Variants in RSPO2 observed in about 807,000 individuals in gnomAD.
RSPO2 encodes R-spondin 2.
In RSPO2, 14 loss-of-function variants were observed where a neutral mutation model predicts 30.9. The ratio of observed to expected loss-of-function variants is 0.45; its 90% CI spans 0.30 to 0.71. The LOEUF (loss-of-function observed/expected upper bound fraction) is 0.71. Among genes scored for constraint, RSPO2 ranks in the 30% least tolerant of loss-of-function variants. The pLI is 0.08. For missense variants in RSPO2, 264 were observed against 301.9 expected, an observed-to-expected ratio of 0.87 and a Z score of 0.93; for synonymous variants, 107 against 96.4, an observed-to-expected ratio of 1.11 and a Z score of -0.64.
At chr8:108,080,089 G>A (rs1043097366) in intron 2 of RSPO2, among the ~76,000 whole-genome samples, 1 of 152,164 alleles carries the variant, frequency 6.6e-6, no homozygotes, top group African/African-American at 2.4e-5. Flanking sequence ...TTTGTGAAGA[G>A]GGACAATTCA....
intron 3 of RSPO2, among the ~76,000 whole-genome samples, chr8:107,967,643 G>T (rs768760543): frequency 1.3e-5 from 2 of 151,994 alleles, no homozygotes; most frequent in Non-Finnish European, 2.9e-5. Context: ...GAAGATACAG[G>T]GTTAAAGTCT....
chr8:108,035,963 T>C (rs988050085), intron 2 of RSPO2, among the ~76,000 whole-genome samples: 18 of 152,172 alleles, frequency 1.2e-4, no homozygotes, highest in Admixed American at 1.2e-3. Flanking sequence ...GTAAATATAT[T>C]ACAAAGATAG....
At chr8:108,043,226 G>T (rs1811808815) in intron 2 of RSPO2, among the ~76,000 whole-genome samples, 1 of 152,084 alleles carries the variant, frequency 6.6e-6, no homozygotes. Flanking sequence ...TCAATTTGTA[G>T]CGGGAAGTTT....
At chr8:108,003,247 ATGTATGTGTGTGTGTG>A (rs1351683484) in intron 2 of RSPO2, among the ~76,000 whole-genome samples, 2 of 61,232 alleles carry the variant, frequency 3.3e-5, no homozygotes, top group African/African-American at 9.2e-5. Context: ...ATATGTATGT[ATGTATGTGTGTGTGTG>A]TGTGTGTGTG....
intron 2 of RSPO2, among the ~76,000 whole-genome samples, chr8:108,052,079 T>G (rs1812095888): frequency 6.6e-6 from 1 of 152,108 alleles, no homozygotes; most frequent in South Asian, 2.1e-4. Context: ...AATGACTCAT[T>G]CTCCCAGTGA....
intron 2 of RSPO2, among the ~76,000 whole-genome samples, chr8:108,014,682 T>C (rs57928815): frequency 0.014 from 2,073 of 147,914 alleles, 45 homozygotes; most frequent in African/African-American, 0.048. Context: ...CATCACACAC[T>C]GGGGCCTGTC....
chr8:108,063,209 G>A (rs928998348), intron 2 of RSPO2, among the ~76,000 whole-genome samples: 1 of 151,710 alleles, frequency 6.6e-6, no homozygotes, highest in East Asian at 1.9e-4. Context: ...AGGAAATAAA[G>A]GGCATTCAAC....
At chr8:107,968,534 G>GA (rs1426259452) in intron 3 of RSPO2, among the ~76,000 whole-genome samples, 2 of 151,836 alleles carry the variant, frequency 1.3e-5, no homozygotes, top group African/African-American at 4.8e-5. Flanking sequence ...AGTACAGTAG[G>GA]AAAAACTATA....
intron 2 of RSPO2, among the ~76,000 whole-genome samples, chr8:108,004,872 T>C (rs550002486): frequency 1.1e-4 from 16 of 152,298 alleles, no homozygotes; most frequent in African/African-American, 3.6e-4. Context: ...TCAACCATAT[T>C]TGATATATTA....
At chr8:107,990,219 CA>C (rs1814801700) in intron 2 of RSPO2, among the ~76,000 whole-genome samples, 1 of 151,650 alleles carries the variant, frequency 6.6e-6, no homozygotes, top group Non-Finnish European at 1.5e-5. Context: ...AACTGTAGCA[CA>C]AAACAAGATA....
chr8:107,922,725 C>T (rs558719735), intron 5 of RSPO2, among the ~76,000 whole-genome samples: 1 of 152,222 alleles, frequency 6.6e-6, no homozygotes, highest in South Asian at 2.1e-4. Flanking sequence ...CTGCAAACAA[C>T]ATGGTACTGG....
intron 2 of RSPO2, among the ~76,000 whole-genome samples, chr8:108,033,837 C>T (rs1257595273): frequency 6.6e-6 from 1 of 152,208 alleles, no homozygotes; most frequent in Non-Finnish European, 1.5e-5. Flanking sequence ...AAAAATGCAA[C>T]ACCAAGTTGT....
intron 2 of RSPO2, among the ~76,000 whole-genome samples, chr8:108,019,836 G>A (rs1252842694): frequency 6.6e-6 from 1 of 152,134 alleles, no homozygotes; most frequent in African/African-American, 2.4e-5. Context: ...TTCTTTAAAA[G>A]GGTAGACTTT....
chr8:107,997,587 C>A (rs1815075664), intron 2 of RSPO2, among the ~76,000 whole-genome samples: 2 of 152,146 alleles, frequency 1.3e-5, no homozygotes, highest in Non-Finnish European at 2.9e-5. Flanking sequence ...CACATATCCC[C>A]TTGATGGGAA....
intron 5 of RSPO2, among the ~76,000 whole-genome samples, chr8:107,951,585 T>C (rs1483194280): frequency 6.6e-6 from 1 of 152,094 alleles, no homozygotes; most frequent in Non-Finnish European, 1.5e-5. Context: ...GTGGCATATG[T>C]AGTTGAGAAA....
At position 107,900,884 on chromosome 8, in the gene RSPO2, A is replaced by AGTCT. The variant is rs778730728; in HGVS notation, c.*187_*190dup. 126 of 559,512 alleles carry AGTCT rather than the reference A, an allele frequency of 2.3e-4. 1 individual carries two copies. The highest frequency in any genetic ancestry group is 2.6e-4 in the Non-Finnish European group (86 of 326,430). The allele number at this position is 559,512 out of a possible 1,614,324, so 34.7% of individuals were successfully genotyped here. A position where few individuals can be genotyped will look rare whatever the true frequency, so the allele number is the denominator to read the frequency against. Reference sequence around the variant, plus strand: ...GCTGTGCACTTACTCCTGCCTTCACAGTCTCCAGATTCAAATCAAAGCATA... The same window carrying AGTCT: ...GCTGTGCACTTACTCCTGCCTTCACAGTCTGTCTCCAGATTCAAATCAAAGCATA... On this transcript the variant is annotated 3_prime_UTR_variant, in exon 6 of 6. Coordinates refer to ENST00000276659, the MANE Select transcript of RSPO2 (RefSeq NM_178565.5).
chr8:108,066,323 C>G (rs1812666388), intron 2 of RSPO2, among the ~76,000 whole-genome samples: 1 of 152,154 alleles, frequency 6.6e-6, no homozygotes, highest in Admixed American at 6.5e-5. Context: ...CATACTGAAG[C>G]TACTGTATGT....
At position 107,960,772 on chromosome 8, in the gene RSPO2, CA is replaced by C. The variant is rs1813601709; in HGVS notation, c.328del (p.Cys110ValfsTer6). 6.2e-7 allele frequency: 1 copy of C among 1,611,218 alleles called. No homozygotes were observed. The highest frequency in any genetic ancestry group is 1.1e-5 in the South Asian group (1 of 90,084). On this transcript the variant is annotated frameshift_variant, in exon 4 of 6. Coordinates refer to ENST00000276659, the MANE Select transcript of RSPO2 (RefSeq NM_178565.5). LOFTEE classifies it high-confidence loss of function. ...NCDSCFSKDF[C>X]TKCKVGFYLH... ...ATAAAAGCCTACTTTGCACTTGGTA[CA>C]AAAGTCTTTGCTAAAGCAAGAATCA...
chr8:107,958,967 T>C (rs529946236), intron 4 of RSPO2, among the ~76,000 whole-genome samples: 1 of 152,316 alleles, frequency 6.6e-6, no homozygotes, highest in African/African-American at 2.4e-5. Context: ...TTTAGATTGA[T>C]CCCATGTCTT....
Sources: allele counts gnomAD v4.1 joint callset (sites outside exome capture counted in the v4.1 genomes callset), GRCh38; gene constraint gnomAD v4.1.1; transcripts MANE v1.5; gene names NCBI Gene and HGNC (gene_info 2026-07-23, HGNC 2026-07-21).